SARDH: variants seen among roughly 807,000 people sequenced by gnomAD.
The protein encoded by SARDH is sarcosine dehydrogenase, also known as sarcosine dehydrogenase, mitochondrial.
Under a neutral mutation model 109.1 loss-of-function variants are expected in SARDH, and 95 were observed. The observed-to-expected ratio is 0.87, with a 90% CI of 0.74 to 1.03. The LOEUF (loss-of-function observed/expected upper bound fraction) is 1.03. SARDH is among the 50% of genes least tolerant of loss of function. The pLI is 0.00. For missense variants in SARDH, 1,267 were observed against 1,287.8 expected (o/e 0.98, Z 0.25); for synonymous variants, 572 against 534.8 (o/e 1.07, Z -0.96).
intron 13 of SARDH, 26 bp from the exon 14 acceptor site, chr9:133,696,387 T>G: frequency 6.2e-7 from 1 of 1,613,778 alleles, no homozygotes; most frequent in South Asian, 1.1e-5. Flanking sequence ...CAGGTGGGAA[T>G]GCCACGGGGG....
intron 17 of SARDH, among the ~76,000 whole-genome samples, chr9:133,683,952 G>A (rs556427610): frequency 6.6e-6 from 1 of 152,340 alleles, no homozygotes; most frequent in East Asian, 1.9e-4. Flanking sequence ...GGGCTTTCTG[G>A]GTTTCTTTAG....
intron 10 of SARDH, among the ~76,000 whole-genome samples, chr9:133,710,494 G>T (rs1006428442): frequency 6.6e-6 from 1 of 152,260 alleles, no homozygotes; most frequent in Non-Finnish European, 1.5e-5. Context: ...CCCCCTCGCT[G>T]TGCGTGTCTC....
At chr9:133,731,269 G>A (rs1832669556) in intron 4 of SARDH, 36 bp downstream of exon 4, 3 of 1,609,492 alleles carry the variant, frequency 1.9e-6, no homozygotes, top group Non-Finnish European at 2.5e-6. Flanking sequence ...GAGTGGGCTG[G>A]GAACAGGGGA....
rs148608022 is a variant in SARDH, at chr9:133,683,466, G to A, written c.2163+1727C>T. ...AACCCAGCTGCAGACAAAGCTGGAT[G>A]CTGCGTGGACCCCGGCCTGCTGGAG... On this transcript the variant is annotated intron_variant, in intron 17 of 20. Coordinates refer to ENST00000439388, the MANE Select transcript of SARDH (RefSeq NM_001134707.2). 3.8e-3 allele frequency among the ~76,000 whole-genome samples: 580 copies of A among 152,356 alleles called. 2 individuals are homozygous for A. Among genetic ancestry groups the A allele is most frequent in the African/African-American group, 0.013 (550 of 41,594 alleles).
At chr9:133,698,131 C>T (rs1481526094) in intron 13 of SARDH, among the ~76,000 whole-genome samples, 3 of 151,362 alleles carry the variant, frequency 2.0e-5, no homozygotes, top group Non-Finnish European at 4.4e-5. Flanking sequence ...TCTATATTAG[C>T]AATGAACAGT....
intron 13 of SARDH, among the ~76,000 whole-genome samples, chr9:133,698,911 A>G (rs1001543757): frequency 2.0e-5 from 3 of 152,268 alleles, no homozygotes; most frequent in African/African-American, 4.8e-5. Flanking sequence ...ATAGAGATGA[A>G]TTGGACAGCA....
At chr9:133,725,281 A>G (rs1257302172) in intron 6 of SARDH, 2 of 202,744 alleles carry the variant, frequency 9.9e-6, no homozygotes, top group Non-Finnish European at 2.0e-5. Flanking sequence ...ACACACACAC[A>G]TAACAGTTAC....
At chr9:133,664,850 G>A (rs1055189676) in intron 20 of SARDH, among the ~76,000 whole-genome samples, 2 of 152,172 alleles carry the variant, frequency 1.3e-5, no homozygotes, top group African/African-American at 2.4e-5. Context: ...GCTGCCCCCC[G>A]CAGGCAGGCA....
chr9:133,734,139 G>A lies in SARDH; in HGVS notation c.35C>T (p.Ala12Val), dbSNP rs758296171. Residue 12 changes from alanine (A) to valine (V), a missense_variant, in exon 2 of 21, where the codon GCT (alanine) becomes GTT (valine). Physicochemically the swap from Ala to Val is moderately conservative, Grantham distance 64. Transcript: ENST00000439388. ...ASLSRALRVA[A>V]AHPRQSPTRG... ...GGTAGGGCTCTGGCGAGGGTGGGCAGCAGCCACACGTAGGGCTCGGCTCAG... is the reference window on the plus strand; with the variant it reads ...GGTAGGGCTCTGGCGAGGGTGGGCAACAGCCACACGTAGGGCTCGGCTCAG... 1.2e-6 allele frequency: 2 copies of A among 1,606,556 alleles called. No individual in the cohort carries two copies. Among genetic ancestry groups the A allele is most frequent in the East Asian group, 2.2e-5 (1 of 44,780 alleles).
At chr9:133,668,185 G>C (rs2131318426) in intron 19 of SARDH, among the ~76,000 whole-genome samples, 1 of 151,852 alleles carries the variant, frequency 6.6e-6, no homozygotes, top group South Asian at 2.1e-4. Flanking sequence ...AGCTGATTCA[G>C]GGAGCTGGAC....
At chr9:133,715,806 C>T (rs929321906) in intron 8 of SARDH, among the ~76,000 whole-genome samples, 2 of 152,230 alleles carry the variant, frequency 1.3e-5, no homozygotes, top group Non-Finnish European at 2.9e-5. Flanking sequence ...CCTAGGCCAC[C>T]CTGCCGAGTC....
intron 2 of SARDH, 132 bp from the exon 3 acceptor site, chr9:133,732,733 T>TG: frequency 1.0e-6 from 1 of 998,390 alleles, no homozygotes; most frequent in Non-Finnish European, 1.4e-6. Context: ...CTGCAGGACC[T>TG]GGGGGGCCTG....
intron 8 of SARDH, 122 bp from the exon 9 acceptor site, chr9:133,713,246 C>T: frequency 1.3e-6 from 1 of 749,592 alleles, no homozygotes. Context: ...AACCCCCTCC[C>T]TCCTCTAGGC....
intron 1 of SARDH, 82 bp from the exon 2 acceptor site, chr9:133,734,285 T>C: frequency 2.1e-6 from 2 of 943,090 alleles, no homozygotes; most frequent in South Asian, 4.0e-5. Context: ...ATAAGGGCCC[T>C]ATGGTGTTAC....
At chr9:133,730,928 G>T (rs1832658634) in intron 4 of SARDH, among the ~76,000 whole-genome samples, 1 of 152,158 alleles carries the variant, frequency 6.6e-6, no homozygotes, top group Admixed American at 6.5e-5. Context: ...AGTGAGCAGT[G>T]ATCATGCCAC....
rs908246620 is a variant in SARDH, at chr9:133,664,139, G to T, written c.2632-125C>A. 1.0e-5 allele frequency: 13 copies of T among 1,268,694 alleles called. No homozygotes were observed. In the African/African-American group the frequency reaches 1.7e-4, roughly 16 times the overall value. The allele number at this position is 1,268,694 out of a possible 1,614,324, so 78.6% of individuals were successfully genotyped here. A position where few individuals can be genotyped will look rare whatever the true frequency, so the allele number is the denominator to read the frequency against. ...GCCCTGTGGGCAAACTCATCCCTGT[G>T]CCAGGGACTCCTTTCTGAACCCAGG... On this transcript the variant is annotated intron_variant, in intron 20 of 20. Transcript: ENST00000439388.
chr9:133,703,010 T>C lies in SARDH; in HGVS notation c.1574A>G (p.Tyr525Cys). The C allele has an allele frequency of 6.2e-7, 1 of 1,613,340 alleles. No individual in the cohort carries two copies. Among genetic ancestry groups the C allele is most frequent in the Non-Finnish European group, 8.5e-7 (1 of 1,179,950 alleles). Residue 525 changes from tyrosine to cysteine, a missense_variant, in exon 13 of 21, where the codon TAC (tyrosine) becomes TGC (cysteine). Transcript: ENST00000439388. ...GTGCGCGCGGCTCCCGTAAGCCCCG[T>C]AGTAGTCGTACTCGAGGACCTGGGA... Reference protein sequence around the residue: ...GPAPVLEYDYYGAYGSRAHED... With the variant: ...GPAPVLEYDYCGAYGSRAHED...
chr9:133,661,931 C>T (rs1329996272), downstream of SARDH, among the ~76,000 whole-genome samples: 3 of 152,152 alleles, frequency 2.0e-5, no homozygotes, highest in South Asian at 2.1e-4. Flanking sequence ...AGACCTGGCT[C>T]GGGGTCTGGG....
rs149136909 is a variant in SARDH, at chr9:133,718,311, G to A, written c.1020+627C>T. The A allele has an allele frequency of 8.1e-3, 1,404 of 174,008 alleles. 18 individuals are homozygous for A. The highest frequency in any genetic ancestry group is 0.031 in the African/African-American group (1,302 of 42,198). 10.8% of individuals were successfully genotyped at this position (174,008 alleles called of 1,614,324 possible). On this transcript the variant is annotated intron_variant, in intron 7 of 20. Transcript: ENST00000439388. This position sits in a 1 kb window ranked among gnomAD's most constrained non-coding sequence, Gnocchi z 4.2. Reference sequence around the variant, plus strand: ...GGCCTCAAATTCCTGACCTCAGGTGGTCCGCCCACCTCAGCCTCCCAAAGT... The same window carrying A: ...GGCCTCAAATTCCTGACCTCAGGTGATCCGCCCACCTCAGCCTCCCAAAGT...
Sources: gnomAD v4.1 joint callset for allele counts (sites outside exome capture counted in the v4.1 genomes callset) on GRCh38, gnomAD v4.1.1 for gene constraint, Gnocchi (gnomAD v3.1) non-coding constraint, MANE v1.5 for transcripts, NCBI Gene and HGNC (gene_info 2026-07-23, HGNC 2026-07-21) for gene names.